DPP10: variants seen among roughly 807,000 people sequenced by gnomAD.
DPP10 encodes the protein dipeptidyl peptidase like 10.
Under a neutral mutation model 120.9 loss-of-function variants are expected in DPP10, and 33 were observed. The ratio of observed to expected loss-of-function variants is 0.27; its 90% CI spans 0.21 to 0.37. The LOEUF (loss-of-function observed/expected upper bound fraction) is 0.37, where lower values mean the gene tolerates loss of function less well. DPP10 is among the 10% of genes least tolerant of loss of function. DPP10 has a pLI of 1.00. For synonymous variants in DPP10, 337 were observed against 326.1 expected (o/e 1.03, Z -0.36); for missense variants, 816 against 942.8 (o/e 0.87, Z 1.76).
chr2:115,123,880 C>A (rs532030572), intron 1 of DPP10, among the ~76,000 whole-genome samples: 1 of 151,890 alleles, frequency 6.6e-6, no homozygotes, highest in South Asian at 2.1e-4. Flanking sequence ...CAAATATTAG[C>A]CATTATTTTA....
intron 2 of DPP10, among the ~76,000 whole-genome samples, chr2:115,341,363 CCT>C (rs1320876023): frequency 2.0e-5 from 3 of 152,050 alleles, no homozygotes; most frequent in Non-Finnish European, 4.4e-5. Context: ...CCCTGACCCC[CCT>C]GTGCCTGATA....
intron 1 of DPP10, among the ~76,000 whole-genome samples, chr2:115,225,999 T>G (rs2057416535): frequency 6.6e-6 from 1 of 152,084 alleles, no homozygotes. Flanking sequence ...AAACTCTAAT[T>G]TTTAAATATT....
chr2:114,945,474 T>C (rs561641199), intron 1 of DPP10, among the ~76,000 whole-genome samples: 2 of 152,258 alleles, frequency 1.3e-5, no homozygotes, highest in Non-Finnish European at 1.5e-5. Flanking sequence ...CAGGTAAGCA[T>C]ATGAAGACTC....
intron 1 of DPP10, among the ~76,000 whole-genome samples, chr2:114,884,324 C>A (rs1312137619): frequency 6.6e-6 from 1 of 152,204 alleles, no homozygotes; most frequent in African/African-American, 2.4e-5. Flanking sequence ...CTTACAGTTC[C>A]AAGTGTTAGA....
At chr2:115,079,337 G>T (rs1708065833) in intron 1 of DPP10, among the ~76,000 whole-genome samples, 1 of 147,952 alleles carries the variant, frequency 6.8e-6, no homozygotes, top group Admixed American at 7.0e-5. Flanking sequence ...CTGCACTCCA[G>T]CCTGGGCGAC....
intron 1 of DPP10, among the ~76,000 whole-genome samples, chr2:114,712,123 C>G (rs767528602): frequency 1.4e-4 from 22 of 152,054 alleles, no homozygotes; most frequent in Non-Finnish European, 2.2e-4. Context: ...AGTTCGATAA[C>G]AGCCTAGCCA....
chr2:115,065,200 C>T (rs1171028408), intron 1 of DPP10, among the ~76,000 whole-genome samples: 1 of 152,142 alleles, frequency 6.6e-6, no homozygotes, highest in East Asian at 1.9e-4. Context: ...TTTTTGAGCT[C>T]ACTAGTTTCC....
chr2:114,801,962 A>G (rs1684292723), intron 1 of DPP10, among the ~76,000 whole-genome samples: 1 of 152,218 alleles, frequency 6.6e-6, no homozygotes, highest in Non-Finnish European at 1.5e-5. Context: ...CTGTGCGAAC[A>G]GAGAACATGT....
chr2:115,338,512 A>G (rs1348632020), intron 2 of DPP10, among the ~76,000 whole-genome samples: 1 of 152,026 alleles, frequency 6.6e-6, no homozygotes, highest in Non-Finnish European at 1.5e-5. Context: ...GAAGTGGCGC[A>G]GTGGCACAGT....
At chr2:115,783,485 T>A (rs1293619838) in intron 17 of DPP10, among the ~76,000 whole-genome samples, 1 of 152,156 alleles carries the variant, frequency 6.6e-6, no homozygotes, top group Non-Finnish European at 1.5e-5. Context: ...ATGACAAATA[T>A]CATTTTGAGA....
intron 1 of DPP10, among the ~76,000 whole-genome samples, chr2:115,306,020 T>G (rs1251109679): frequency 6.6e-6 from 1 of 152,028 alleles, no homozygotes; most frequent in African/African-American, 2.4e-5. Context: ...TAAGAGTTTT[T>G]TTTATGAGTT....
intron 1 of DPP10, among the ~76,000 whole-genome samples, chr2:115,155,291 A>C (rs1216021420): frequency 6.6e-6 from 1 of 152,198 alleles, no homozygotes; most frequent in Non-Finnish European, 1.5e-5. Flanking sequence ...GAAAGAAGAA[A>C]GTCCCTGTGA....
intron 3 of DPP10, among the ~76,000 whole-genome samples, chr2:115,401,957 A>T (rs2068102611): frequency 6.6e-6 from 1 of 152,156 alleles, no homozygotes; most frequent in Admixed American, 6.5e-5. Context: ...GAGTGACATC[A>T]GCAAAATGGC....
chr2:115,216,825 A>G (rs956994720), intron 1 of DPP10, among the ~76,000 whole-genome samples: 3 of 152,050 alleles, frequency 2.0e-5, no homozygotes, highest in African/African-American at 7.2e-5. Context: ...ATATATGTAT[A>G]TATACACACC....
intron 1 of DPP10, among the ~76,000 whole-genome samples, chr2:115,141,246 T>A (rs974549844): frequency 1.3e-5 from 2 of 152,160 alleles, no homozygotes; most frequent in African/African-American, 4.8e-5. Context: ...AGAGAGAACA[T>A]CTCTTTCAGG....
At chr2:114,906,316 G>A (rs1693957066) in intron 1 of DPP10, among the ~76,000 whole-genome samples, 1 of 151,932 alleles carries the variant, frequency 6.6e-6, no homozygotes, top group Admixed American at 6.6e-5. Context: ...CCTGGGAGGT[G>A]GAGGTTGCAG....
chr2:114,970,451 A>C (rs2104782976), intron 1 of DPP10, among the ~76,000 whole-genome samples: 1 of 152,220 alleles, frequency 6.6e-6, no homozygotes, highest in Non-Finnish European at 1.5e-5. Flanking sequence ...GAACTCTTCC[A>C]ATATGTATTT....
At chr2:114,605,435 T>C (rs1692708166) in intron 1 of DPP10, among the ~76,000 whole-genome samples, 1 of 152,270 alleles carries the variant, frequency 6.6e-6, no homozygotes, top group African/African-American at 2.4e-5. Flanking sequence ...ACTTAACAAA[T>C]AGTAAATATG....
chr2:115,409,991 A>G (rs1204390567), intron 3 of DPP10, among the ~76,000 whole-genome samples: 1 of 152,188 alleles, frequency 6.6e-6, no homozygotes, highest in African/African-American at 2.4e-5. Context: ...GAACGATATA[A>G]TGTTTTGGGT....
Sources: allele counts gnomAD v4.1 joint callset (sites outside exome capture counted in the v4.1 genomes callset), GRCh38; gene constraint gnomAD v4.1.1; transcripts MANE v1.5; gene names NCBI Gene and HGNC (gene_info 2026-07-23, HGNC 2026-07-21).